The following NLGN1 variants were observed in gnomAD, a reference collection of about 807,000 sequenced individuals.
NLGN1 encodes neuroligin 1.
Under a neutral mutation model 65.5 loss-of-function variants are expected in NLGN1, and 12 were observed. The ratio of observed to expected loss-of-function variants is 0.18; its 90% CI spans 0.12 to 0.30. NLGN1 has a LOEUF of 0.30. Among genes scored for constraint, NLGN1 ranks in the 10% least tolerant of loss-of-function variants. The probability of loss-of-function intolerance (pLI) is 1.00; values close to 1 mark genes in which losing one functional copy is unlikely to be tolerated. For synonymous variants in NLGN1, 350 were observed against 359.5 expected (o/e 0.97, Z 0.30); for missense variants, 750 against 1,007.1 (o/e 0.74, Z 3.46).
At chr3:173,608,113 A>G (rs1038269294) in intron 3 of NLGN1, among the ~76,000 whole-genome samples, 3 of 151,908 alleles carry the variant, frequency 2.0e-5, no homozygotes, top group Non-Finnish European at 4.4e-5. Context: ...TATAAAAGAA[A>G]AGAAATCTTA....
intron 3 of NLGN1, among the ~76,000 whole-genome samples, chr3:173,702,873 A>G (rs755477039): frequency 7.2e-5 from 11 of 152,164 alleles, no homozygotes; most frequent in Non-Finnish European, 1.0e-4. Context: ...ATAAAATTAA[A>G]ATGGTTTTCT....
chr3:174,153,075 C>A (rs1390786371), intron 4 of NLGN1, among the ~76,000 whole-genome samples: 2 of 152,082 alleles, frequency 1.3e-5, no homozygotes, highest in Non-Finnish European at 2.9e-5. Flanking sequence ...CATAAAATAC[C>A]AGTTCAGGTC....
intron 4 of NLGN1, among the ~76,000 whole-genome samples, chr3:174,265,634 C>G (rs990355294): frequency 6.6e-6 from 1 of 151,854 alleles, no homozygotes; most frequent in Non-Finnish European, 1.5e-5. Flanking sequence ...AGAAATCACC[C>G]GTCTTCTGCA....
intron 2 of NLGN1, among the ~76,000 whole-genome samples, chr3:173,485,299 G>A (rs906517575): frequency 2.0e-5 from 3 of 152,004 alleles, no homozygotes; most frequent in African/African-American, 7.3e-5. Context: ...TGGGGACACA[G>A]AGCCAAACCA....
In NLGN1 at chr3:174,076,710, AGAGAGAGAGAGAGAGTGT is replaced by A. The variant is rs1312881708; in HGVS notation, c.647-198603_647-198586del. ...GAGAGAGAGAGAGAGAGAGAGAGAGAGAGAGAGAGAGAGAGTGTGTGTGTGTGTGTGTGTGTGTGTGTG... is the reference window on the plus strand; with the variant it reads ...GAGAGAGAGAGAGAGAGAGAGAGAGAGTGTGTGTGTGTGTGTGTGTGTGTG... On this transcript the variant is annotated intron_variant, in intron 4 of 6. Coordinates refer to ENST00000457714, the Ensembl canonical transcript of NLGN1. Among the ~76,000 whole-genome samples, 388 of 139,026 alleles carry A rather than the reference AGAGAGAGAGAGAGAGTGT, an allele frequency of 2.8e-3. 2 individuals carry two copies. Among genetic ancestry groups the A allele is most frequent in the African/African-American group, 9.7e-3 (351 of 36,090 alleles). The allele number at this position is 139,026 out of a possible 152,430, so 91.2% of individuals were successfully genotyped here.
intron 3 of NLGN1, among the ~76,000 whole-genome samples, chr3:173,629,093 C>CTT (rs946510201): frequency 1.3e-4 from 19 of 145,116 alleles, no homozygotes; most frequent in African/African-American, 4.0e-4. Flanking sequence ...TCATCCTTTC[C>CTT]TTTTTTTTTT....
intron 2 of NLGN1, among the ~76,000 whole-genome samples, chr3:173,483,073 C>T (rs1484079135): frequency 5.3e-5 from 8 of 152,130 alleles, no homozygotes; most frequent in Admixed American, 2.6e-4. Flanking sequence ...GTAGTTGATT[C>T]TGTGGTACTC....
At chr3:174,274,776 C>CAT (rs1172915604) in intron 4 of NLGN1, among the ~76,000 whole-genome samples, 4 of 151,770 alleles carry the variant, frequency 2.6e-5, no homozygotes, top group Non-Finnish European at 5.9e-5. Flanking sequence ...TGTACATATT[C>CAT]ATATATATGC....
chr3:174,077,713 G>A (rs1332506815), intron 4 of NLGN1, among the ~76,000 whole-genome samples: 2 of 151,950 alleles, frequency 1.3e-5, no homozygotes, highest in Non-Finnish European at 2.9e-5. Flanking sequence ...GTGCCACCAC[G>A]CCCAGCCAAT....
intron 4 of NLGN1, among the ~76,000 whole-genome samples, chr3:173,853,681 C>T (rs763694722): frequency 7.9e-5 from 12 of 152,054 alleles, no homozygotes; most frequent in African/African-American, 2.9e-4. Context: ...TGTAATATGT[C>T]TTTTGAAAAA....
At chr3:173,432,714 T>A (rs1357409435) in intron 1 of NLGN1, among the ~76,000 whole-genome samples, 3 of 152,200 alleles carry the variant, frequency 2.0e-5, no homozygotes, top group Admixed American at 1.3e-4. Context: ...GCATTTTTTT[T>A]ATTGTAATCA....
At chr3:174,108,386 T>C (rs1714436729) in intron 4 of NLGN1, among the ~76,000 whole-genome samples, 1 of 152,118 alleles carries the variant, frequency 6.6e-6, no homozygotes, top group African/African-American at 2.4e-5. Context: ...GGGGACTATT[T>C]TTTGTCTGCA....
intron 4 of NLGN1, among the ~76,000 whole-genome samples, chr3:173,852,964 T>A (rs1727263919): frequency 6.6e-6 from 1 of 152,188 alleles, no homozygotes; most frequent in African/African-American, 2.4e-5. Flanking sequence ...GTGGGTTTAT[T>A]TGTAGCCTTC....
chr3:173,684,164 T>G (rs1764357758), intron 3 of NLGN1, among the ~76,000 whole-genome samples: 1 of 152,152 alleles, frequency 6.6e-6, no homozygotes, highest in South Asian at 2.1e-4. Flanking sequence ...TTGAAGTGAT[T>G]ATTAACTTTT....
intron 4 of NLGN1, among the ~76,000 whole-genome samples, chr3:173,954,376 G>T (rs976469024): frequency 2.0e-5 from 3 of 151,530 alleles, no homozygotes; most frequent in African/African-American, 7.3e-5. Flanking sequence ...AGTGTAAAAG[G>T]TTATTATTAT....
At chr3:173,667,215 T>C (rs531724706) in intron 3 of NLGN1, among the ~76,000 whole-genome samples, 31 of 138,582 alleles carry the variant, frequency 2.2e-4, no homozygotes, top group Admixed American at 1.8e-3. Context: ...TTTCAAACAT[T>C]GCCATAATGA....
chr3:173,861,728 G>C (rs1388777687), intron 4 of NLGN1, among the ~76,000 whole-genome samples: 5 of 151,844 alleles, frequency 3.3e-5, no homozygotes, highest in African/African-American at 9.7e-5. Flanking sequence ...ATGTGTGTGT[G>C]TTTGTGTGTG....
chr3:173,631,552 C>G (rs1367626484), intron 3 of NLGN1, among the ~76,000 whole-genome samples: 2 of 152,120 alleles, frequency 1.3e-5, no homozygotes, highest in Admixed American at 6.6e-5. Flanking sequence ...TTTTACTTCT[C>G]TCTTCGTACT....
chr3:173,832,156 G>T (rs1370532125), intron 4 of NLGN1, among the ~76,000 whole-genome samples: 3 of 151,338 alleles, frequency 2.0e-5, no homozygotes, highest in Admixed American at 6.6e-5. Flanking sequence ...TAGAGACAGG[G>T]TCTCACTGTG....
Sources: gnomAD v4.1 joint callset for allele counts (sites outside exome capture counted in the v4.1 genomes callset) on GRCh38, gnomAD v4.1.1 for gene constraint, MANE v1.5 for transcripts, NCBI Gene and HGNC (gene_info 2026-07-23, HGNC 2026-07-21) for gene names.